GALNTL6: variants seen among roughly 807,000 people sequenced by gnomAD.
GALNTL6 encodes the protein polypeptide N-acetylgalactosaminyltransferase like 6, also known as polypeptide N-acetylgalactosaminyltransferase-like 6.
GALNTL6 carries 46 observed loss-of-function variants against 73.7 expected under a neutral mutation model. The observed-to-expected ratio is 0.62, with a 90% CI of 0.49 to 0.80. The LOEUF (loss-of-function observed/expected upper bound fraction) is 0.80, where lower values mean the gene tolerates loss of function less well. Ranked by LOEUF, GALNTL6 falls within the 30% of genes least tolerant of loss-of-function variation. The pLI, the probability that GALNTL6 is intolerant of heterozygous loss-of-function variation, is 0.00. For synonymous variants in GALNTL6, 259 were observed against 263.7 expected (o/e 0.98, Z 0.17); for missense variants, 604 against 755.0 (o/e 0.80, Z 2.34).
intron 5 of GALNTL6, among the ~76,000 whole-genome samples, chr4:172,503,053 A>G (rs749571836): frequency 6.6e-6 from 1 of 152,222 alleles, no homozygotes; most frequent in Non-Finnish European, 1.5e-5. Flanking sequence ...AATGTAAAAC[A>G]TGAGAGTTTG....
At chr4:171,867,023 A>G (rs1225041724) in intron 2 of GALNTL6, among the ~76,000 whole-genome samples, 1 of 152,186 alleles carries the variant, frequency 6.6e-6, no homozygotes, top group Non-Finnish European at 1.5e-5. Context: ...ACTACATTTA[A>G]GAAAATATTC....
chr4:172,191,409 C>G (rs1236833497), intron 2 of GALNTL6, among the ~76,000 whole-genome samples: 1 of 152,138 alleles, frequency 6.6e-6, no homozygotes. Flanking sequence ...CAAATGGTAG[C>G]CATAGGGATC....
chr4:172,783,908 T>C (rs1288274814), intron 5 of GALNTL6, among the ~76,000 whole-genome samples: 1 of 152,134 alleles, frequency 6.6e-6, no homozygotes, highest in African/African-American at 2.4e-5. Context: ...TGCTATTAAT[T>C]ATGGATGTAC....
At chr4:172,919,684 T>C (rs1303528371) in intron 8 of GALNTL6, among the ~76,000 whole-genome samples, 1 of 152,198 alleles carries the variant, frequency 6.6e-6, no homozygotes, top group Non-Finnish European at 1.5e-5. Context: ...AGCAATAAAC[T>C]CAAATTCTGG....
At chr4:171,876,953 T>A (rs1736296932) in intron 2 of GALNTL6, among the ~76,000 whole-genome samples, 1 of 152,198 alleles carries the variant, frequency 6.6e-6, no homozygotes, top group South Asian at 2.1e-4. Context: ...TGGAATGCTC[T>A]AGTCTTGTAG....
In GALNTL6 at chr4:172,512,243, G is replaced by A. The variant is rs1237906574; in HGVS notation, c.553+163554G>A. ...GTGCTTTAAAGTCTATTTTGTCTGA[G>A]ATAGAAATAGCTACTCCTGCTCACT... On this transcript the variant is annotated intron_variant, in intron 5 of 12. Transcript: ENST00000506823. 1.7e-4 allele frequency among the ~76,000 whole-genome samples: 9 copies of A among 54,308 alleles called. 3 individuals carry two copies. Among genetic ancestry groups the A allele is most frequent in the Admixed American group, 1.6e-3 (6 of 3,842 alleles). The allele number at this position is 54,308 out of a possible 152,430, so 35.6% of individuals were successfully genotyped here. A position where few individuals can be genotyped will look rare whatever the true frequency, so the allele number is the denominator to read the frequency against.
At chr4:171,949,103 G>A (rs567220415) in intron 2 of GALNTL6, among the ~76,000 whole-genome samples, 4 of 152,138 alleles carry the variant, frequency 2.6e-5, no homozygotes, top group Non-Finnish European at 5.9e-5. Context: ...CCTGGCAGCC[G>A]GTTTCTCTGC....
At chr4:172,918,365 A>G (rs968109235) in intron 8 of GALNTL6, among the ~76,000 whole-genome samples, 2 of 152,180 alleles carry the variant, frequency 1.3e-5, no homozygotes, top group African/African-American at 4.8e-5. Flanking sequence ...GTGCACATGT[A>G]CCCTAGAACT....
At chr4:172,741,492 A>G (rs1016759227) in intron 5 of GALNTL6, among the ~76,000 whole-genome samples, 1 of 152,140 alleles carries the variant, frequency 6.6e-6, no homozygotes, top group Non-Finnish European at 1.5e-5. Context: ...TCATATATGT[A>G]CATATACATA....
chr4:172,460,701 A>G (rs1002537982), intron 5 of GALNTL6, among the ~76,000 whole-genome samples: 1 of 152,250 alleles, frequency 6.6e-6, no homozygotes, highest in African/African-American at 2.4e-5. Context: ...GGCAATCATT[A>G]AAAAGTCAAG....
chr4:172,989,963 G>A (rs62341886), intron 10 of GALNTL6, among the ~76,000 whole-genome samples: 19,849 of 152,214 alleles, frequency 0.13, 1,375 homozygotes, highest in Non-Finnish European at 0.15. Context: ...TGTGCCTTCA[G>A]ATGCTTATAT....
chr4:172,639,892 C>A (rs1377144398), intron 5 of GALNTL6, among the ~76,000 whole-genome samples: 1 of 152,116 alleles, frequency 6.6e-6, no homozygotes, highest in East Asian at 1.9e-4. Flanking sequence ...GTTTCTCTCA[C>A]TTTTGCATCA....
chr4:172,585,453 G>C (rs1437696191), intron 5 of GALNTL6, among the ~76,000 whole-genome samples: 1 of 152,024 alleles, frequency 6.6e-6, no homozygotes, highest in Non-Finnish European at 1.5e-5. Context: ...TCCCCTCCCT[G>C]TGTCCATGTG....
chr4:171,857,395 G>A (rs1735721233), intron 2 of GALNTL6, among the ~76,000 whole-genome samples: 1 of 152,022 alleles, frequency 6.6e-6, no homozygotes, highest in Admixed American at 6.5e-5. Context: ...AGGAATGCAG[G>A]GTAAGAAAAA....
At chr4:172,707,983 C>T (rs773546545) in intron 5 of GALNTL6, among the ~76,000 whole-genome samples, 5 of 152,112 alleles carry the variant, frequency 3.3e-5, no homozygotes, top group Non-Finnish European at 5.9e-5. Flanking sequence ...TCAAAGAAAC[C>T]TGACTAAAGT....
At chr4:172,002,925 A>G (rs1740720394) in intron 2 of GALNTL6, among the ~76,000 whole-genome samples, 1 of 152,152 alleles carries the variant, frequency 6.6e-6, no homozygotes, top group Admixed American at 6.6e-5. Context: ...GTAGGCAGTG[A>G]GGGGAGCAAT....
At chr4:172,587,255 G>T (rs1007917889) in intron 5 of GALNTL6, among the ~76,000 whole-genome samples, 1 of 152,170 alleles carries the variant, frequency 6.6e-6, no homozygotes, top group African/African-American at 2.4e-5. Context: ...CATAGAAAAT[G>T]AAGTCTAAAA....
intron 2 of GALNTL6, among the ~76,000 whole-genome samples, chr4:172,068,983 C>T (rs1163538659): frequency 3.7e-5 from 4 of 108,828 alleles, no homozygotes; most frequent in Non-Finnish European, 8.1e-5. Context: ...AGGAATCCCT[C>T]GTCTCCTCCT....
chr4:172,692,285 C>A (rs1415560654), intron 5 of GALNTL6, among the ~76,000 whole-genome samples: 1 of 151,900 alleles, frequency 6.6e-6, no homozygotes, highest in South Asian at 2.1e-4. Flanking sequence ...CAGATTTTTG[C>A]AATTATAACT....
Sources: gnomAD v4.1 joint callset for allele counts (sites outside exome capture counted in the v4.1 genomes callset) on GRCh38, gnomAD v4.1.1 for gene constraint, MANE v1.5 for transcripts, NCBI Gene and HGNC (gene_info 2026-07-23, HGNC 2026-07-21) for gene names.